The following TNC variants were observed in gnomAD, a reference collection of about 807,000 sequenced individuals.
The protein encoded by TNC is tenascin.
TNC carries 109 observed loss-of-function variants against 202.4 expected under a neutral mutation model. The ratio of observed to expected loss-of-function variants is 0.54; its 90% confidence interval spans 0.46 to 0.63. The LOEUF (loss-of-function observed/expected upper bound fraction) is 0.63. Ranked by LOEUF, TNC falls within the 30% of genes least tolerant of loss-of-function variation. TNC has a pLI of 0.00. For synonymous variants in TNC, 1,007 were observed against 1,089.7 expected (o/e 0.92, Z 1.50); for missense variants, 2,756 against 2,833.3 (o/e 0.97, Z 0.62).
At position 115,086,352 on chromosome 9, in the gene TNC, A is replaced by G. The variant is rs1390148562; in HGVS notation, c.1379T>C (p.Phe460Ser). ...VEGKCVCEQG[F>S]KGYDCSDMSC... ...CATGTCACTGCAGTCATAGCCCTTG[A>G]AGCCTTGCTCACATACACATTTGCC... Residue 460 changes from phenylalanine (F) to serine (S), a missense_variant, in exon 3 of 28, where the codon TTC (phenylalanine) becomes TCC (serine). Coordinates refer to ENST00000350763, the MANE Select transcript of TNC (RefSeq NM_002160.4). 1.9e-6 allele frequency: 3 copies of G among 1,614,066 alleles called. No individual in the cohort carries two copies. In the South Asian group the frequency reaches 3.3e-5, roughly 18 times the overall value.
chr9:115,066,309 C>A (rs539445503), intron 10 of TNC, among the ~76,000 whole-genome samples: 55 of 152,322 alleles, frequency 3.6e-4, no homozygotes, highest in African/African-American at 1.3e-3. Context: ...GAAAGTATTT[C>A]TCTGGAAATG....
rs765644857 is a variant in TNC, at chr9:115,087,052, C to A, written c.679G>T (p.Asp227Tyr). The change falls in exon 3 of 28, where the codon GAC becomes TAC. Residue 227 changes from aspartate (D) to tyrosine (Y), a missense_variant. Asp to Tyr is a radical substitution (Grantham distance 160). Transcript: ENST00000350763. ...ACTCCATTTACGCACTTGCCCTGGT[C>A]ATTGCAGTCGCTGGGGCAAGCCAGC... ...SQLACPSDCN[D>Y]QGKCVNGVCI... 3.7e-6 allele frequency: 6 copies of A among 1,613,458 alleles called. No individual in the cohort carries two copies. In the East Asian group the frequency reaches 1.3e-4, roughly 36 times the overall value.
At chr9:115,090,451 G>T in intron 2 of TNC, 111 bp downstream of exon 2, 1 of 816,510 alleles carries the variant, frequency 1.2e-6, no homozygotes. Flanking sequence ...GAACACTCTG[G>T]GAAGCTAGTT....
Position 115,076,582 on chromosome 9 carries a change from G to C in TNC, c.2675-7C>G. ...TTCCTGGGAGCATCGAGGCCTGTTT[G>C]AGAGAAGGAACATTTGTATTGAACA... On this transcript the variant is annotated splice_polypyrimidine_tract_variant and splice_region_variant and intron_variant, in intron 7 of 27. Transcript: ENST00000350763. The C allele has an allele frequency of 6.2e-7, 1 of 1,613,878 alleles. No homozygotes were observed.
At position 115,062,650 on chromosome 9, in the gene TNC, C is replaced by CAT. The variant is rs529923238; in HGVS notation, c.4033+265_4033+266dup. 2.8e-3 allele frequency among the ~76,000 whole-genome samples: 413 copies of CAT among 148,662 alleles called. 1 individual carries two copies. Among genetic ancestry groups the CAT allele is most frequent in the Middle Eastern group, 7.1e-3 (2 of 280 alleles). On this transcript the variant is annotated intron_variant, in intron 13 of 27. Coordinates refer to ENST00000350763, the MANE Select transcript of TNC (RefSeq NM_002160.4). ...GTATATATCTATATATACACACACA[C>CAT]ATATATATATATACACACACACACT...
chr9:115,055,895 C>G (rs1832078504), intron 15 of TNC: 1 of 152,148 alleles, frequency 6.6e-6, no homozygotes, highest in Non-Finnish European at 1.5e-5. Context: ...TGTTGAAAAT[C>G]GGTTTGAGCC....
At position 115,086,978 on chromosome 9, in the gene TNC, G is replaced by C. The variant is rs1169381123; in HGVS notation, c.753C>G (p.Ile251Met). 1 of 1,614,220 alleles carries C rather than the reference G, an allele frequency of 6.2e-7. No homozygotes were observed. Among genetic ancestry groups the C allele is most frequent in the East Asian group, 2.2e-5 (1 of 44,874 alleles). ...GCTCCTCACTGCAGGGCACTGGGCA[G>C]ATTTCACGGCTGCAGTCAGCCCCGG... ...GYAGADCSRE[I>M]CPVPCSEEHG... is the part of the protein sequence containing the mutation. The change falls in exon 3 of 28, where the codon ATC becomes ATG. Residue 251 changes from isoleucine (I) to methionine (M), a missense_variant. This residue lies in a region of TNC where 2,559 missense variants were observed against 2,546.0 expected (regional missense o/e 1.01). Transcript: ENST00000350763.
In TNC at chr9:115,086,939, TAC is replaced by T. The variant is rs1233545682; in HGVS notation, c.790_791del (p.Val264ArgfsTer14). ...VPCSEEHGTC[V>X]DGLCVCHDGF... Reference sequence around the variant, plus strand: ...CATCGTGGCACACACACAAGCCATCTACACATGTGCCGTGCTCCTCACTGCAG... The same window carrying T: ...CATCGTGGCACACACACAAGCCATCTACATGTGCCGTGCTCCTCACTGCAG... On this transcript the variant is annotated frameshift_variant, in exon 3 of 28. Transcript: ENST00000350763. LOFTEE classifies it high-confidence loss of function. 6.2e-7 allele frequency: 1 copy of T among 1,614,220 alleles called. No homozygotes were observed. Among genetic ancestry groups the T allele is most frequent in the Non-Finnish European group, 8.5e-7 (1 of 1,180,052 alleles).
intron 1 of TNC, among the ~76,000 whole-genome samples, chr9:115,111,399 C>CTTTTTTTTTTTTTTT (rs71375272): frequency 1.5e-4 from 11 of 71,360 alleles, no homozygotes; most frequent in East Asian, 6.5e-4. Flanking sequence ...CTCTCTCTCT[C>CTTTTTTTTTTTTTTT]TTTTTTTTTT....
intron 17 of TNC, among the ~76,000 whole-genome samples, chr9:115,043,224 A>G (rs1446855192): frequency 6.6e-6 from 1 of 151,780 alleles, no homozygotes; most frequent in Non-Finnish European, 1.5e-5. Flanking sequence ...CCCCTCTCCA[A>G]CCCACAGGGA....
chr9:115,106,548 G>A (rs770709132), intron 1 of TNC, among the ~76,000 whole-genome samples: 1 of 152,170 alleles, frequency 6.6e-6, no homozygotes, highest in African/African-American at 2.4e-5. Flanking sequence ...CTTGAGGGGA[G>A]GGCATAGGCC....
In TNC at chr9:115,030,446, G is replaced by A. The variant is rs1247896383; in HGVS notation, c.5921-41C>T. Reference sequence around the variant, plus strand: ...AAATGGTGATGCTCTCAGTGCAGGAGGACTGAGCTGGAGCTTAATTCTTAG... The same window carrying A: ...AAATGGTGATGCTCTCAGTGCAGGAAGACTGAGCTGGAGCTTAATTCTTAG... On this transcript the variant is annotated intron_variant, in intron 23 of 27. Coordinates refer to ENST00000350763, the MANE Select transcript of TNC (RefSeq NM_002160.4). 5.1e-6 allele frequency: 8 copies of A among 1,575,574 alleles called. No individual in the cohort carries two copies. In the African/African-American group the frequency reaches 8.1e-5, roughly 16 times the overall value.
chr9:115,020,554 A>AT lies in TNC; in HGVS notation c.*602dup, dbSNP rs753968096. On this transcript the variant is annotated 3_prime_UTR_variant, in exon 28 of 28. Transcript: ENST00000350763. The stretch of plus-strand genomic sequence containing the variant: ...CAAACTCAAAAGTACTTGTGCTTTT[A>AT]TTTAAAAAAAAAATACAATCAGGTA... 5 of 219,030 alleles carry AT rather than the reference A, an allele frequency of 2.3e-5. No individual in the cohort carries two copies. Among genetic ancestry groups the AT allele is most frequent in the East Asian group, 1.1e-4 (1 of 8,736 alleles). The allele number at this position is 219,030 out of a possible 1,614,324, so 13.6% of individuals were successfully genotyped here. A position where few individuals can be genotyped will look rare whatever the true frequency, so the allele number is the denominator to read the frequency against.
intron 1 of TNC, among the ~76,000 whole-genome samples, chr9:115,115,843 C>A (rs900709070): frequency 2.6e-5 from 4 of 152,264 alleles, no homozygotes; most frequent in South Asian, 2.1e-4. Context: ...CTTGTGACCC[C>A]ACTTCAACCA....
At chr9:115,100,807 A>C (rs1292212853) in intron 1 of TNC, among the ~76,000 whole-genome samples, 3 of 152,216 alleles carry the variant, frequency 2.0e-5, no homozygotes, top group Non-Finnish European at 2.9e-5. Flanking sequence ...ATCATATCAC[A>C]ATGTATACAT....
Position 115,020,907 on chromosome 9 carries a change from G to A in TNC, c.*250C>T. 2.1e-6 allele frequency: 1 copy of A among 471,302 alleles called. No homozygotes were observed. Among genetic ancestry groups the A allele is most frequent in the East Asian group, 3.5e-5 (1 of 28,314 alleles). The allele number at this position is 471,302 out of a possible 1,614,324, so 29.2% of individuals were successfully genotyped here. ...AAAAACTATTGCGATGTTGTCACTGGGAGATTTTTGCTGAATCAAACAACA... is the reference window on the plus strand; with the variant it reads ...AAAAACTATTGCGATGTTGTCACTGAGAGATTTTTGCTGAATCAAACAACA... On this transcript the variant is annotated 3_prime_UTR_variant, in exon 28 of 28. Coordinates refer to ENST00000350763, the MANE Select transcript of TNC (RefSeq NM_002160.4).
chr9:115,037,778 C>T (rs2001356), intron 20 of TNC, among the ~76,000 whole-genome samples: 121,375 of 152,206 alleles, frequency 0.8, 48,955 homozygotes, highest in African/African-American at 0.92. Flanking sequence ...TCCACCTGCC[C>T]TGGCCTCCCA....
At chr9:115,053,018 A>G (rs1831825680) in intron 15 of TNC, 1 of 697,712 alleles carries the variant, frequency 1.4e-6, no homozygotes, top group Non-Finnish European at 2.6e-6. Flanking sequence ...CTTTGGTTCT[A>G]AAGAAGGAAT....
At chr9:115,105,403 A>G (rs1257922738) in intron 1 of TNC, among the ~76,000 whole-genome samples, 1 of 152,184 alleles carries the variant, frequency 6.6e-6, no homozygotes, top group Non-Finnish European at 1.5e-5. Flanking sequence ...AATCCTCCCC[A>G]AGACTTCTGA....
Sources: gnomAD v4.1 joint callset for allele counts (sites outside exome capture counted in the v4.1 genomes callset) on GRCh38, gnomAD v4.1.1 for gene constraint, gnomAD v4.1.1 regional missense constraint, MANE v1.5 for transcripts, NCBI Gene and HGNC (gene_info 2026-07-23, HGNC 2026-07-21) for gene names.